The following SMNDC1 variants were observed in gnomAD, a reference collection of about 807,000 sequenced individuals.
SMNDC1 encodes survival motor neuron domain containing 1.
In SMNDC1, 5 loss-of-function variants were observed where a neutral mutation model predicts 29.2. The observed-to-expected ratio is 0.17, with a 90% confidence interval of 0.09 to 0.36. The LOEUF (loss-of-function observed/expected upper bound fraction) is 0.36. Among genes scored for constraint, SMNDC1 ranks in the 10% least tolerant of loss-of-function variants. The probability of loss-of-function intolerance (pLI) is 1.00; values close to 1 mark genes in which losing one functional copy is unlikely to be tolerated. For missense variants in SMNDC1, 142 were observed against 268.5 expected (o/e 0.53, Z 3.29); for synonymous variants, 80 against 89.9 (o/e 0.89, Z 0.62).
chr10:110,298,764 A>T lies in SMNDC1; in HGVS notation c.147T>A (p.Leu49=). 6.2e-7 allele frequency: 1 copy of T among 1,613,690 alleles called. No individual in the cohort carries two copies. The highest frequency in any genetic ancestry group is 8.5e-7 in the Non-Finnish European group (1 of 1,179,742). ...GCGTCTCAGAAGGTTGAGTTGACAG[A>T]AGGTCTTTGGTTAGTTCTATAACTT... is the stretch of plus-strand genomic sequence containing the variant. ...LQEVIELTKD[L]LSTQPSETLA... Residue 49 remains leucine (L), a synonymous_variant, in exon 3 of 6, where the codon CTT becomes CTA. Coordinates refer to ENST00000369603, the MANE Select transcript of SMNDC1 (RefSeq NM_005871.4).
Position 110,292,676 on chromosome 10 carries a change from T to C in SMNDC1, c.*1474A>G, listed in dbSNP as rs1194688249. 1.3e-5 allele frequency: 2 copies of C among 152,128 alleles called. No individual in the cohort carries two copies. The highest frequency in any genetic ancestry group is 6.5e-5 in the Admixed American group (1 of 15,274). 9.4% of individuals were successfully genotyped at this position (152,128 alleles called of 1,614,324 possible). A position where few individuals can be genotyped will look rare whatever the true frequency, so the allele number is the denominator to read the frequency against. ...TGTCCTACCCTGTGGCCACGAATTA[T>C]ATGAAGAAAAAGTGACCCTCCTGGG... On this transcript the variant is annotated 3_prime_UTR_variant, in exon 6 of 6. Transcript: ENST00000369603.
intron 4 of SMNDC1, among the ~76,000 whole-genome samples, chr10:110,296,507 A>T (rs1324651244): frequency 6.6e-6 from 1 of 152,224 alleles, no homozygotes; most frequent in Middle Eastern, 3.2e-3. Flanking sequence ...CTCTTGACAA[A>T]TCAAAAGACT....
chr10:110,304,677 G>C (rs1259617635), intron 1 of SMNDC1, 71 bp downstream of exon 1: 1 of 152,354 alleles, frequency 6.6e-6, no homozygotes, highest in East Asian at 1.9e-4. Flanking sequence ...CTCAGCCTTG[G>C]GCCTCCGCTT....
At chr10:110,300,509 A>G in intron 2 of SMNDC1, 6 of 960,042 alleles carry the variant, frequency 6.2e-6, no homozygotes, top group Non-Finnish European at 7.4e-6. Context: ...TATTAGAAAA[A>G]CTATTTTATG....
At chr10:110,301,353 T>G (rs1673665) in intron 2 of SMNDC1, among the ~76,000 whole-genome samples, 9,872 of 152,326 alleles carry the variant, frequency 0.065, 993 homozygotes, top group African/African-American at 0.22. Flanking sequence ...CAAATACTTT[T>G]CAGAGTATTA....
At chr10:110,295,952 C>G (rs947273231) in intron 4 of SMNDC1, among the ~76,000 whole-genome samples, 7 of 152,116 alleles carry the variant, frequency 4.6e-5, no homozygotes, top group African/African-American at 1.7e-4. Flanking sequence ...TTAATTATGA[C>G]TTTCTATTTT....
intron 4 of SMNDC1, 58 bp downstream of exon 4, chr10:110,297,509 C>CT: frequency 6.6e-7 from 1 of 1,517,876 alleles, no homozygotes; most frequent in Non-Finnish European, 9.0e-7. Flanking sequence ...CTGCAGACTA[C>CT]TTCAAGTATC....
At chr10:110,294,827 T>A (rs1564732622) in intron 5 of SMNDC1, among the ~76,000 whole-genome samples, 1 of 152,244 alleles carries the variant, frequency 6.6e-6, no homozygotes, top group Non-Finnish European at 1.5e-5. Context: ...TACAGTTATT[T>A]TCTACCCAAC....
In SMNDC1 at chr10:110,295,224, C is replaced by T; in HGVS notation, c.579+4G>A. 6.3e-7 allele frequency: 1 copy of T among 1,576,898 alleles called. No homozygotes were observed. The highest frequency in any genetic ancestry group is 8.6e-7 in the Non-Finnish European group (1 of 1,168,922). Reference sequence around the variant, plus strand: ...ATTTACAAAGTGTAAAAAGATTTACCAACCTGGCCTTTTTTGTTTTTAGAA... The same window carrying T: ...ATTTACAAAGTGTAAAAAGATTTACTAACCTGGCCTTTTTTGTTTTTAGAA... On this transcript the variant is annotated splice_donor_region_variant and intron_variant, in intron 5 of 5. Coordinates refer to ENST00000369603, the MANE Select transcript of SMNDC1 (RefSeq NM_005871.4).
At chr10:110,294,435 C>T in intron 5 of SMNDC1, 148 bp from the exon 6 acceptor site, 1 of 621,986 alleles carries the variant, frequency 1.6e-6, no homozygotes, top group Non-Finnish European at 2.6e-6. Context: ...AAAATGGGTA[C>T]AGAAGTGGTC....
At chr10:110,299,115 G>A (rs766756062) in intron 2 of SMNDC1, among the ~76,000 whole-genome samples, 2 of 152,146 alleles carry the variant, frequency 1.3e-5, no homozygotes, top group African/African-American at 2.4e-5. Flanking sequence ...CTCTAAAGAT[G>A]AGAAAGTCAA....
At chr10:110,303,411 G>A (rs1857687763) in intron 2 of SMNDC1, 57 bp downstream of exon 2, 9 of 1,502,668 alleles carry the variant, frequency 6.0e-6, no homozygotes, top group East Asian at 2.4e-5. Flanking sequence ...GGTACTTAGG[G>A]ATTCAAGCAA....
In SMNDC1 at chr10:110,291,211, C is replaced by T. The variant is rs903441508; in HGVS notation, c.*2939G>A. 6.6e-6 allele frequency: 1 copy of T among 152,208 alleles called. No homozygotes were observed. The highest frequency in any genetic ancestry group is 6.5e-5 in the Admixed American group (1 of 15,280). The allele number at this position is 152,208 out of a possible 1,614,324, so 9.4% of individuals were successfully genotyped here. A position where few individuals can be genotyped will look rare whatever the true frequency, so the allele number is the denominator to read the frequency against. ...AGGATCACCTGCGGTGTTCGTCAAACAACATACCTTGGCCTGGATAAGTCT... is the reference window on the plus strand; with the variant it reads ...AGGATCACCTGCGGTGTTCGTCAAATAACATACCTTGGCCTGGATAAGTCT... On this transcript the variant is annotated 3_prime_UTR_variant, in exon 6 of 6. Transcript: ENST00000369603.
intron 2 of SMNDC1, 101 bp from the exon 3 acceptor site, chr10:110,298,891 T>C: frequency 1.2e-6 from 1 of 808,006 alleles, no homozygotes; most frequent in Non-Finnish European, 1.9e-6. Context: ...GTACTCTACA[T>C]ATATTTCATT....
chr10:110,298,544 T>C lies in SMNDC1; in HGVS notation c.263+104A>G, dbSNP rs558433585. 2.2e-5 allele frequency: 20 copies of C among 925,572 alleles called. 1 individual carries two copies. Among genetic ancestry groups the C allele is most frequent in the African/African-American group, 3.3e-5 (2 of 60,110 alleles). 57.3% of individuals were successfully genotyped at this position (925,572 alleles called of 1,614,324 possible). A position where few individuals can be genotyped will look rare whatever the true frequency, so the allele number is the denominator to read the frequency against. On this transcript the variant is annotated intron_variant, in intron 3 of 5. Coordinates refer to ENST00000369603, the MANE Select transcript of SMNDC1 (RefSeq NM_005871.4). ...TGGCTCTATAAATCATACTGCCTAA[T>C]AGAAGTCAAGATTAAAATAGGGTAG...
chr10:110,299,634 TATCTG>T (rs376085894), intron 2 of SMNDC1, among the ~76,000 whole-genome samples: 42 of 152,374 alleles, frequency 2.8e-4, no homozygotes, highest in African/African-American at 1.0e-3. Context: ...CTATGCATCT[TATCTG>T]ATCTAAGAAC....
At chr10:110,301,076 G>A (rs1857639315) in intron 2 of SMNDC1, among the ~76,000 whole-genome samples, 1 of 152,196 alleles carries the variant, frequency 6.6e-6, no homozygotes, top group Non-Finnish European at 1.5e-5. Flanking sequence ...TAATAACTGG[G>A]ATAAGGATCT....
intron 2 of SMNDC1, among the ~76,000 whole-genome samples, chr10:110,300,005 CA>C (rs1158299226): frequency 2.6e-5 from 4 of 152,130 alleles, no homozygotes; most frequent in African/African-American, 9.7e-5. Flanking sequence ...TTTAATTAGA[CA>C]GTCCTTTGCA....
At chr10:110,296,331 G>A (rs146351611) in intron 4 of SMNDC1, among the ~76,000 whole-genome samples, 138 of 152,060 alleles carry the variant, frequency 9.1e-4, no homozygotes, top group East Asian at 3.5e-3. Flanking sequence ...TAGACTCCCC[G>A]GTACCATATT....
Sources: gnomAD v4.1 joint callset for allele counts (sites outside exome capture counted in the v4.1 genomes callset) on GRCh38, gnomAD v4.1.1 for gene constraint, MANE v1.5 for transcripts, NCBI Gene and HGNC (gene_info 2026-07-23, HGNC 2026-07-21) for gene names.